The following SRGAP2 variants were observed in gnomAD, a reference collection of about 807,000 sequenced individuals.
SRGAP2 encodes SLIT-ROBO Rho GTPase-activating protein 2.
In SRGAP2, 15 loss-of-function variants were observed where a neutral mutation model predicts 57.2. That is an observed-to-expected ratio of 0.26 (90% confidence interval 0.18 to 0.40). The LOEUF is 0.40. Ranked by LOEUF, SRGAP2 falls within the 10% of genes least tolerant of loss-of-function variation. SRGAP2 has a pLI of 1.00. For synonymous variants in SRGAP2, 249 were observed against 248.0 expected (o/e 1.00, Z -0.04); for missense variants, 520 against 669.6 (o/e 0.78, Z 2.47).
chr1:206,451,159 T>G (rs1190019723), intron 19 of SRGAP2, among the ~76,000 whole-genome samples: 1 of 117,408 alleles, frequency 8.5e-6, no homozygotes, highest in Non-Finnish European at 1.8e-5. Flanking sequence ...GGGTGGGAAA[T>G]AGCAGAGCTG....
intron 4 of SRGAP2, among the ~76,000 whole-genome samples, chr1:206,347,244 CCTGT>C (rs1170392729): frequency 6.6e-6 from 1 of 151,096 alleles, no homozygotes; most frequent in African/African-American, 2.4e-5. Flanking sequence ...AGAGCCAGAC[CCTGT>C]CTGTTTAAAA....
At chr1:206,376,233 T>G (rs1389445846) in intron 4 of SRGAP2, among the ~76,000 whole-genome samples, 2 of 152,200 alleles carry the variant, frequency 1.3e-5, no homozygotes, top group Non-Finnish European at 2.9e-5. Flanking sequence ...TTGTTTCGTT[T>G]TGGGAGTTTT....
chr1:206,426,728 A>G (rs1660832927), intron 13 of SRGAP2, among the ~76,000 whole-genome samples: 1 of 152,094 alleles, frequency 6.6e-6, no homozygotes, highest in African/African-American at 2.4e-5. Flanking sequence ...GACATTGAGC[A>G]TTTTTTCACA....
chr1:206,381,071 G>A (rs1318925032), intron 4 of SRGAP2, among the ~76,000 whole-genome samples: 1 of 152,216 alleles, frequency 6.6e-6, no homozygotes, highest in Non-Finnish European at 1.5e-5. Flanking sequence ...GCCAGAGGGA[G>A]CAGTAAGTCA....
intron 14 of SRGAP2, among the ~76,000 whole-genome samples, chr1:206,434,422 C>T (rs1661552740): frequency 6.6e-6 from 1 of 152,188 alleles, no homozygotes; most frequent in Admixed American, 6.5e-5. Flanking sequence ...GGATCCCGTG[C>T]ACAATGGAAG....
At chr1:206,278,049 ATATACT>A (rs1333868554) in intron 2 of SRGAP2, among the ~76,000 whole-genome samples, 57 of 151,660 alleles carry the variant, frequency 3.8e-4, no homozygotes, top group African/African-American at 8.9e-4. Context: ...GTAGGTGAAG[ATATACT>A]TATATGTTTT....
At chr1:206,453,565 G>T in intron 20 of SRGAP2, 185 bp downstream of exon 20, 1 of 372,316 alleles carries the variant, frequency 2.7e-6, no homozygotes, top group African/African-American at 2.3e-5. Flanking sequence ...TGCACTCAGT[G>T]GAGAATTTTT....
chr1:206,283,709 T>C (rs1160771173), intron 2 of SRGAP2, among the ~76,000 whole-genome samples: 1 of 149,986 alleles, frequency 6.7e-6, no homozygotes, highest in African/African-American at 2.5e-5. Flanking sequence ...TTCAGAGTAA[T>C]ATAATTTTGT....
chr1:206,445,635 C>G (rs769801917), intron 17 of SRGAP2, among the ~76,000 whole-genome samples: 3 of 152,314 alleles, frequency 2.0e-5, no homozygotes, highest in Non-Finnish European at 4.4e-5. Flanking sequence ...TGCACAGTGC[C>G]TGTGCCTCTG....
intron 4 of SRGAP2, among the ~76,000 whole-genome samples, chr1:206,351,441 A>G (rs1261209909): frequency 6.6e-6 from 1 of 152,090 alleles, no homozygotes; most frequent in Middle Eastern, 3.4e-3. Context: ...AATTTCCTCC[A>G]CATTATAGCA....
intron 4 of SRGAP2, among the ~76,000 whole-genome samples, chr1:206,355,075 G>A (rs1397981769): frequency 2.0e-5 from 3 of 152,040 alleles, no homozygotes; most frequent in Non-Finnish European, 4.4e-5. Flanking sequence ...CCCAGGCCAT[G>A]TTAAAGATTT....
intron 7 of SRGAP2, among the ~76,000 whole-genome samples, chr1:206,395,349 C>T (rs1325468380): frequency 7.1e-6 from 1 of 140,220 alleles, no homozygotes; most frequent in Non-Finnish European, 1.5e-5. Flanking sequence ...CCACTTAATG[C>T]CCTAGGTGTC....
At chr1:206,324,821 T>C (rs1446478919) in intron 3 of SRGAP2, among the ~76,000 whole-genome samples, 1 of 152,066 alleles carries the variant, frequency 6.6e-6, no homozygotes, top group Non-Finnish European at 1.5e-5. Context: ...ATCTTACAGG[T>C]ATGTAAGGAA....
At chr1:206,448,645 C>A (rs1662974177) in intron 18 of SRGAP2, among the ~76,000 whole-genome samples, 1 of 152,138 alleles carries the variant, frequency 6.6e-6, no homozygotes, top group Non-Finnish European at 1.5e-5. Flanking sequence ...TGTTTTTTAA[C>A]AAGCCTTCCA....
chr1:206,372,932 TTTC>T (rs1654699172), intron 4 of SRGAP2, among the ~76,000 whole-genome samples: 1 of 7,796 alleles, frequency 1.3e-4, no homozygotes, highest in African/African-American at 1.9e-3. Flanking sequence ...TCTTTCTTTC[TTTC>T]TTTCTTTCTT....
rs1553364212 is a variant in SRGAP2, at chr1:206,421,248, A to G, written c.1470-2A>G. 1.3e-6 allele frequency: 1 copy of G among 778,478 alleles called. No homozygotes were observed. Among genetic ancestry groups the G allele is most frequent in the South Asian group, 1.3e-5 (1 of 74,136 alleles). The allele number at this position is 778,478 out of a possible 1,614,324, so 48.2% of individuals were successfully genotyped here. A position where few individuals can be genotyped will look rare whatever the true frequency, so the allele number is the denominator to read the frequency against. On this transcript the variant is annotated splice_acceptor_variant, in intron 12 of 22. Transcript: ENST00000573034. LOFTEE classifies it high-confidence loss of function. Reference sequence around the variant, plus strand: ...AATCTGATTCGGCGGGATTGGTCACAGGCGCAGCTCAACTGTGAGGAAACA... The same window carrying G: ...AATCTGATTCGGCGGGATTGGTCACGGGCGCAGCTCAACTGTGAGGAAACA...
intron 22 of SRGAP2, among the ~76,000 whole-genome samples, chr1:206,460,498 C>A (rs1333637301): frequency 6.6e-6 from 1 of 151,948 alleles, no homozygotes; most frequent in African/African-American, 2.4e-5. Context: ...CGGGGGGAGG[C>A]GTATTGGGCT....
At chr1:206,408,739 C>G (rs1411702602) in intron 10 of SRGAP2, among the ~76,000 whole-genome samples, 1 of 147,914 alleles carries the variant, frequency 6.8e-6, no homozygotes, top group Admixed American at 6.6e-5. Flanking sequence ...CATTTGTTTT[C>G]TAAATTGACC....
intron 4 of SRGAP2, 74 bp from the exon 5 acceptor site, chr1:206,383,940 T>C: frequency 8.0e-7 from 1 of 1,242,394 alleles, no homozygotes. Context: ...GTAGAGCCAG[T>C]GTGGCTTTTG....
Sources: gnomAD v4.1 joint callset for allele counts (sites outside exome capture counted in the v4.1 genomes callset) on GRCh38, gnomAD v4.1.1 for gene constraint, MANE v1.5 for transcripts, NCBI Gene and HGNC (gene_info 2026-07-23, HGNC 2026-07-21) for gene names.